The following TMEM260 variants were observed in gnomAD, a reference collection of about 807,000 sequenced individuals.
TMEM260 encodes the protein transmembrane protein 260, also known as protein O-mannosyl-transferase TMEM260.
In TMEM260, 82 loss-of-function variants were observed where a neutral mutation model predicts 88.9. That is an observed-to-expected ratio of 0.92 (90% CI 0.77 to 1.11). TMEM260 has a LOEUF of 1.11. TMEM260 is among the 50% of genes least tolerant of loss of function. The pLI is 0.00. For synonymous variants in TMEM260, 314 were observed against 309.3 expected, an observed-to-expected ratio of 1.02 and a Z score of -0.16; for missense variants, 902 against 853.4, an observed-to-expected ratio of 1.06 and a Z score of -0.71.
intron 3 of TMEM260, among the ~76,000 whole-genome samples, chr14:56,591,242 C>A (rs1412676195): frequency 6.6e-6 from 1 of 151,996 alleles, no homozygotes; most frequent in Non-Finnish European, 1.5e-5. Flanking sequence ...AATTATAGAT[C>A]ATAACTCATA....
downstream of TMEM260, among the ~76,000 whole-genome samples, chr14:56,655,374 A>G (rs925512637): frequency 1.3e-5 from 2 of 150,946 alleles, no homozygotes; most frequent in African/African-American, 4.9e-5. Flanking sequence ...GCAACCGAGC[A>G]AGACTCCATC....
At chr14:56,642,123 T>G (rs558073849) in intron 15 of TMEM260, among the ~76,000 whole-genome samples, 1 of 152,172 alleles carries the variant, frequency 6.6e-6, no homozygotes, top group East Asian at 1.9e-4. Context: ...AACAAAGATA[T>G]CCAGGAATTG....
At chr14:56,618,311 C>A (rs753875127) in intron 9 of TMEM260, among the ~76,000 whole-genome samples, 2 of 152,154 alleles carry the variant, frequency 1.3e-5, no homozygotes, top group African/African-American at 2.4e-5. Context: ...TCTCTAACTC[C>A]TTCAGCCTGT....
intron 3 of TMEM260, among the ~76,000 whole-genome samples, chr14:56,596,795 A>AAAAATG (rs1555334865): frequency 4.0e-4 from 42 of 106,300 alleles, no homozygotes; most frequent in African/African-American, 2.7e-3. Flanking sequence ...AAAAAAAAAA[A>AAAAATG]TATATATATA....
chr14:56,599,914 CAA>C (rs1054874911), intron 3 of TMEM260, among the ~76,000 whole-genome samples: 5 of 152,112 alleles, frequency 3.3e-5, no homozygotes, highest in South Asian at 4.1e-4. Flanking sequence ...TGCAAAAATC[CAA>C]AGTCATTTGG....
intron 3 of TMEM260, among the ~76,000 whole-genome samples, chr14:56,592,356 A>T (rs569735432): frequency 7.9e-5 from 12 of 152,338 alleles, no homozygotes; most frequent in African/African-American, 2.9e-4. Context: ...CTTGACAATG[A>T]AAAGATTTAT....
downstream of TMEM260, among the ~76,000 whole-genome samples, chr14:56,651,462 G>T (rs867115852): frequency 4.6e-5 from 7 of 152,154 alleles, no homozygotes; most frequent in African/African-American, 1.4e-4. Flanking sequence ...GACAAGTAGC[G>T]TTTCCAGCAC....
intron 12 of TMEM260, 150 bp downstream of exon 12, chr14:56,625,680 C>G: frequency 1.6e-6 from 1 of 623,096 alleles, no homozygotes; most frequent in African/African-American, 1.9e-5. Context: ...AATTGAATAT[C>G]TGTGCATAAA....
Position 56,625,416 on chromosome 14 carries a change from C to T in TMEM260, c.1433C>T (p.Ala478Val), listed in dbSNP as rs1350935401. The T allele has an allele frequency of 9.9e-6, 16 of 1,613,770 alleles. No individual in the cohort carries two copies. The highest frequency in any genetic ancestry group is 1.3e-5 in the African/African-American group (1 of 74,904). ...MTYEWYLPKM[A>V]KHLPGVNFPG... The stretch of plus-strand genomic sequence containing the variant: ...TACGAGTGGTATTTACCCAAGATGG[C>T]AAAGCACTTGCCAGGTGTCAACTTT... Residue 478 changes from alanine (A) to valine (V), a missense_variant, in exon 12 of 16, where the codon GCA (alanine) becomes GTA (valine). By Grantham distance (64) the Ala-to-Val change is moderately conservative. Transcript: ENST00000261556.
At chr14:56,634,021 G>C (rs113350426) in intron 13 of TMEM260, among the ~76,000 whole-genome samples, 1 of 152,160 alleles carries the variant, frequency 6.6e-6, no homozygotes, top group Non-Finnish European at 1.5e-5. Flanking sequence ...CTCTGCAGCC[G>C]TCATGAGAAA....
At chr14:56,632,619 CT>C (rs145498706) in intron 12 of TMEM260, among the ~76,000 whole-genome samples, 2 of 151,954 alleles carry the variant, frequency 1.3e-5, no homozygotes, top group Non-Finnish European at 2.9e-5. Context: ...TTTAAGCTTC[CT>C]TTTTTCCCCC....
chr14:56,651,855 G>A (rs1351771021), downstream of TMEM260, among the ~76,000 whole-genome samples: 1 of 152,216 alleles, frequency 6.6e-6, no homozygotes, highest in Non-Finnish European at 1.5e-5. Context: ...TAATCATTAA[G>A]TTCATAAACG....
chr14:56,627,233 T>G (rs1888296421), intron 12 of TMEM260, among the ~76,000 whole-genome samples: 1 of 152,140 alleles, frequency 6.6e-6, no homozygotes, highest in African/African-American at 2.4e-5. Context: ...TTAAAATAGT[T>G]TTTAAATTTA....
the TMEM260 span, among the ~76,000 whole-genome samples, chr14:56,658,465 T>C: frequency 6.6e-6 from 1 of 151,970 alleles, no homozygotes; most frequent in Non-Finnish European, 1.5e-5. Flanking sequence ...CAGGCTGGTC[T>C]CAAACTCCTG....
chr14:56,632,972 A>T (rs368923321), intron 12 of TMEM260, 23 bp from the exon 13 acceptor site: 9 of 1,596,620 alleles, frequency 5.6e-6, no homozygotes, highest in Non-Finnish European at 7.7e-6. Flanking sequence ...TAAGTACATC[A>T]TGTATTTTTC....
chr14:56,600,610 C>G (rs12892859), intron 3 of TMEM260, among the ~76,000 whole-genome samples: 42,070 of 152,004 alleles, frequency 0.28, 6,706 homozygotes, highest in Non-Finnish European at 0.37. Context: ...TAGGAAAATG[C>G]AAATCCAAAC....
chr14:56,641,947 A>C (rs943614897), intron 15 of TMEM260, among the ~76,000 whole-genome samples: 2 of 152,228 alleles, frequency 1.3e-5, no homozygotes, highest in Admixed American at 1.3e-4. Flanking sequence ...GGATCAATTC[A>C]ACAAGAAGAA....
At chr14:56,635,247 G>C (rs576551282) in intron 14 of TMEM260, among the ~76,000 whole-genome samples, 2 of 152,222 alleles carry the variant, frequency 1.3e-5, no homozygotes, top group East Asian at 1.9e-4. Context: ...GTTCACATCT[G>C]TCTGCCTCTG....
downstream of TMEM260, among the ~76,000 whole-genome samples, chr14:56,652,507 AATT>A (rs1566588216): frequency 6.7e-6 from 1 of 150,374 alleles, no homozygotes; most frequent in Admixed American, 6.6e-5. Context: ...AAAAAAAAAA[AATT>A]ATTATAAAAA....
Sources: allele counts gnomAD v4.1 joint callset (sites outside exome capture counted in the v4.1 genomes callset), GRCh38; gene constraint gnomAD v4.1.1; transcripts MANE v1.5; gene names NCBI Gene and HGNC (gene_info 2026-07-23, HGNC 2026-07-21).